The following ECE1 variants were observed in gnomAD, a reference collection of about 807,000 sequenced individuals.
The protein encoded by ECE1 is endothelin converting enzyme 1.
A neutral mutation model predicts 98.6 loss-of-function variants in ECE1; 35 were observed. The observed-to-expected ratio is 0.35, with a 90% confidence interval of 0.27 to 0.47. ECE1 has a LOEUF of 0.47. ECE1 is among the 20% of genes least tolerant of loss of function. ECE1 has a pLI of 1.00. For missense variants in ECE1, 814 were observed against 1,025.3 expected (o/e 0.79, Z 2.81); for synonymous variants, 394 against 407.1 (o/e 0.97, Z 0.39).
At chr1:21,283,618 G>C (rs545570450) in intron 2 of ECE1, among the ~76,000 whole-genome samples, 1 of 152,246 alleles carries the variant, frequency 6.6e-6, no homozygotes, top group East Asian at 1.9e-4. Context: ...AGCTCCAGAA[G>C]AAACCCAGGA....
intron 1 of ECE1, among the ~76,000 whole-genome samples, chr1:21,310,092 G>T (rs1003258895): frequency 1.3e-5 from 2 of 151,998 alleles, no homozygotes; most frequent in African/African-American, 2.4e-5. Flanking sequence ...ACTGTGCCAG[G>T]CCCCAGCTGG....
In ECE1 at chr1:21,225,440, C is replaced by A; in HGVS notation, c.1850G>T (p.Gly617Val). The change falls in exon 17 of 19, where the codon GGA becomes GTA. Residue 617 changes from glycine (G) to valine (V), a missense_variant and splice_region_variant. By Grantham distance (109) the Gly-to-Val change is moderately radical. Coordinates refer to ENST00000374893, the MANE Select transcript of ECE1 (RefSeq NM_001397.3). This position sits in a 1 kb window ranked among gnomAD's most constrained non-coding sequence, Gnocchi z 5.3. ...HELTHAFDDQ[G>V]REYDKDGNLR... The stretch of plus-strand genomic sequence containing the variant: ...GTTCCCGTCCTTGTCATACTCCCGT[C>A]CTGTGGGTCAGAGGGAGGCGTCATG... 1.2e-6 allele frequency: 2 copies of A among 1,613,926 alleles called. No individual in the cohort carries two copies. Among genetic ancestry groups the A allele is most frequent in the African/African-American group, 1.3e-5 (1 of 75,034 alleles).
Position 21,272,764 on chromosome 1 carries a change from T to C in ECE1, c.428A>G (p.His143Arg). Residue 143 changes from histidine to arginine, a missense_variant, in exon 4 of 19, where the codon CAC (histidine) becomes CGC (arginine). His to Arg is a conservative substitution (Grantham distance 29). Coordinates refer to ENST00000374893, the MANE Select transcript of ECE1 (RefSeq NM_001397.3). ...GTTGCTGAAGGTCCCCCAGCGTGAG[T>C]GGCCATCAGGGACTGGGTTGGCCTT... ...WIKANPVPDG[H>R]SRWGTFSNLW... is the part of the protein sequence containing the mutation. 6.2e-7 allele frequency: 1 copy of C among 1,614,228 alleles called. No homozygotes were observed. Among genetic ancestry groups the C allele is most frequent in the Non-Finnish European group, 8.5e-7 (1 of 1,180,038 alleles).
intron 1 of ECE1, among the ~76,000 whole-genome samples, chr1:21,320,189 C>T (rs1246493120): frequency 3.9e-5 from 6 of 152,216 alleles, no homozygotes; most frequent in Non-Finnish European, 7.3e-5. Context: ...AGGTTTGCTG[C>T]GTCCAGCTGA....
chr1:21,260,264 C>T lies in ECE1; in HGVS notation c.615+7G>A. ...GGGCTTGGGGAGGGAGAGCCCGAGGCACTCACCCTCTCAATCAACTCCATT... is the reference window on the plus strand; with the variant it reads ...GGGCTTGGGGAGGGAGAGCCCGAGGTACTCACCCTCTCAATCAACTCCATT... On this transcript the variant is annotated splice_region_variant and intron_variant, in intron 5 of 18. Transcript: ENST00000374893. This position sits in a 1 kb window ranked among gnomAD's most constrained non-coding sequence, Gnocchi z 4.3. 1 of 1,614,240 alleles carries T rather than the reference C, an allele frequency of 6.2e-7. No homozygotes were observed. The highest frequency in any genetic ancestry group is 8.5e-7 in the Non-Finnish European group (1 of 1,180,040).
chr1:21,323,336 G>C (rs1429046237), intron 1 of ECE1, among the ~76,000 whole-genome samples: 1 of 152,156 alleles, frequency 6.6e-6, no homozygotes, highest in African/African-American at 2.4e-5. Flanking sequence ...CCTGACTGCA[G>C]GCCGGATACT....
At chr1:21,297,482 T>C (rs1468365788) in intron 1 of ECE1, among the ~76,000 whole-genome samples, 2 of 151,936 alleles carry the variant, frequency 1.3e-5, no homozygotes, top group African/African-American at 4.8e-5. Flanking sequence ...CTCCCTTTAG[T>C]CTTTCAGCTC....
At chr1:21,333,128 C>A (rs1010395502) in intron 1 of ECE1, among the ~76,000 whole-genome samples, 5 of 152,152 alleles carry the variant, frequency 3.3e-5, no homozygotes, top group Non-Finnish European at 7.4e-5. Context: ...ATCCAGGGTT[C>A]AAGCTCAAGT....
At chr1:21,261,513 G>A (rs779373619) in intron 4 of ECE1, among the ~76,000 whole-genome samples, 10 of 152,176 alleles carry the variant, frequency 6.6e-5, no homozygotes, top group Middle Eastern at 3.4e-3. Flanking sequence ...AGGCCTCTAC[G>A]GGGACATCTT....
chr1:21,302,615 A>G (rs796396905), intron 1 of ECE1, among the ~76,000 whole-genome samples: 17 of 152,230 alleles, frequency 1.1e-4, no homozygotes, highest in African/African-American at 3.6e-4. Context: ...GGCTCCAGAA[A>G]TGACCACAGA....
chr1:21,320,852 C>T (rs1005991032), intron 1 of ECE1, among the ~76,000 whole-genome samples: 1 of 152,230 alleles, frequency 6.6e-6, no homozygotes, highest in Non-Finnish European at 1.5e-5. Context: ...GCGTGGAGCT[C>T]GGCTGTGCAG....
At chr1:21,297,685 C>T (rs539018428) in intron 1 of ECE1, among the ~76,000 whole-genome samples, 5 of 150,556 alleles carry the variant, frequency 3.3e-5, no homozygotes, top group Admixed American at 1.3e-4. Context: ...TACAGGCGCC[C>T]GCCACCATGC....
At chr1:21,238,473 A>C in intron 10 of ECE1, 1 of 591,934 alleles carries the variant, frequency 1.7e-6, no homozygotes, top group Non-Finnish European at 3.0e-6. Flanking sequence ...GACTTCACAA[A>C]TAGTGTCCCG....
intron 4 of ECE1, among the ~76,000 whole-genome samples, chr1:21,264,876 T>TCCC (rs2098231894): frequency 1.3e-5 from 2 of 152,092 alleles, no homozygotes; most frequent in African/African-American, 4.8e-5. Context: ...CCCACACTCT[T>TCCC]CCCCATGGCT....
chr1:21,268,643 C>T (rs1443324051), intron 4 of ECE1, among the ~76,000 whole-genome samples: 2 of 152,356 alleles, frequency 1.3e-5, no homozygotes, highest in African/African-American at 4.8e-5. Context: ...CCCCTCTCCG[C>T]CTAGAGGGAA....
chr1:21,328,910 G>A (rs529490413), intron 1 of ECE1, among the ~76,000 whole-genome samples: 17 of 152,052 alleles, frequency 1.1e-4, no homozygotes, highest in Admixed American at 3.3e-4. Flanking sequence ...GCAAGGTACC[G>A]CCTCTCTGAG....
chr1:21,257,663 G>A, intron 6 of ECE1, 73 bp from the exon 7 acceptor site: 1 of 1,514,162 alleles, frequency 6.6e-7, no homozygotes, highest in Non-Finnish European at 9.2e-7. Context: ...CTCCTGCCCT[G>A]GGAATGGCTG....
chr1:21,311,492 G>A (rs1189848072), intron 1 of ECE1, among the ~76,000 whole-genome samples: 1 of 125,342 alleles, frequency 8.0e-6, no homozygotes, highest in Non-Finnish European at 1.6e-5. Context: ...GGGGAACATA[G>A]TGAGACCCTG....
chr1:21,343,917 G>A (rs1185601089), intron 1 of ECE1, among the ~76,000 whole-genome samples: 1 of 152,110 alleles, frequency 6.6e-6, no homozygotes, highest in Non-Finnish European at 1.5e-5. Context: ...ACGGCCTTTT[G>A]GTGCCCATAC....
Sources: allele counts gnomAD v4.1 joint callset (sites outside exome capture counted in the v4.1 genomes callset), GRCh38; gene constraint gnomAD v4.1.1; non-coding constraint Gnocchi (gnomAD v3.1); transcripts MANE v1.5; gene names NCBI Gene and HGNC (gene_info 2026-07-23, HGNC 2026-07-21).